Variants in NEDD4 observed in about 807,000 individuals in gnomAD.
The protein encoded by NEDD4 is E3 ubiquitin-protein ligase NEDD4.
NEDD4 carries 99 observed loss-of-function variants against 144.9 expected under a neutral mutation model. The ratio of observed to expected loss-of-function variants is 0.68; its 90% CI spans 0.58 to 0.81. The LOEUF (loss-of-function observed/expected upper bound fraction) is 0.81. NEDD4 is among the 30% of genes least tolerant of loss of function. The probability of loss-of-function intolerance (pLI) is 0.00; values close to 1 mark genes in which losing one functional copy is unlikely to be tolerated. For missense variants in NEDD4, 985 were observed against 1,065.9 expected (o/e 0.92, Z 1.06); for synonymous variants, 318 against 350.6 (o/e 0.91, Z 1.04).
chr15:55,916,133 T>C, intron 5 of NEDD4: 1 of 1,613,968 alleles, frequency 6.2e-7, no homozygotes, highest in African/African-American at 1.3e-5. Flanking sequence ...CAAAAGGATC[T>C]GTACTTGTAC....
intron 2 of NEDD4, among the ~76,000 whole-genome samples, chr15:55,957,381 G>A (rs1384634168): frequency 1.3e-5 from 2 of 152,162 alleles, no homozygotes; most frequent in Admixed American, 6.5e-5. Context: ...TTAAGTAGAG[G>A]GGCTTCAAAC....
At chr15:55,945,827 C>A (rs1468642931) in intron 4 of NEDD4, among the ~76,000 whole-genome samples, 3 of 152,010 alleles carry the variant, frequency 2.0e-5, no homozygotes, top group African/African-American at 7.2e-5. Context: ...AGAAACCTTA[C>A]AAGCCAGAAG....
At chr15:55,965,300 C>G (rs2037493500) in intron 2 of NEDD4, among the ~76,000 whole-genome samples, 1 of 151,972 alleles carries the variant, frequency 6.6e-6, no homozygotes, top group African/African-American at 2.4e-5. Context: ...CACCCAGACT[C>G]AAGCAATCCT....
At chr15:55,929,299 T>G (rs1414534228) in intron 4 of NEDD4, among the ~76,000 whole-genome samples, 1 of 152,174 alleles carries the variant, frequency 6.6e-6, no homozygotes, top group Non-Finnish European at 1.5e-5. Flanking sequence ...CAGGAGGAGA[T>G]TTAATGAAAA....
At chr15:55,952,760 G>A (rs1428275568) in intron 2 of NEDD4, 3 of 152,026 alleles carry the variant, frequency 2.0e-5, no homozygotes, top group African/African-American at 7.3e-5. Context: ...CTCTCTTTTA[G>A]ACCTTTGGCT....
intron 8 of NEDD4, among the ~76,000 whole-genome samples, chr15:55,866,222 T>TC (rs2034582868): frequency 6.7e-6 from 1 of 150,108 alleles, no homozygotes; most frequent in Non-Finnish European, 1.5e-5. Flanking sequence ...CCTTTCTTCT[T>TC]TTTTTTTTTA....
chr15:55,939,681 A>AT (rs1338173136), intron 4 of NEDD4, among the ~76,000 whole-genome samples: 7 of 152,164 alleles, frequency 4.6e-5, no homozygotes, highest in African/African-American at 1.4e-4. Flanking sequence ...AAATTTTTAG[A>AT]TTTTTTTAGT....
intron 4 of NEDD4, among the ~76,000 whole-genome samples, chr15:55,931,736 T>C (rs188091863): frequency 1.2e-4 from 19 of 152,324 alleles, no homozygotes; most frequent in African/African-American, 1.4e-4. Flanking sequence ...ACAATACAGA[T>C]ACATCTTTAA....
intron 1 of NEDD4, among the ~76,000 whole-genome samples, chr15:55,993,265 G>A (rs751022805): frequency 6.6e-5 from 10 of 152,162 alleles, no homozygotes; most frequent in Admixed American, 6.5e-5. Context: ...CAAGTAAGGC[G>A]GCGGCCGCTC....
intron 1 of NEDD4, among the ~76,000 whole-genome samples, chr15:55,980,521 G>A (rs1357582897): frequency 1.3e-5 from 2 of 152,192 alleles, no homozygotes; most frequent in Non-Finnish European, 2.9e-5. Context: ...CCAGTCAACA[G>A]TACCCGCCCC....
At chr15:55,925,777 C>A (rs1252212572) in intron 4 of NEDD4, among the ~76,000 whole-genome samples, 6 of 152,116 alleles carry the variant, frequency 3.9e-5, no homozygotes, top group African/African-American at 1.2e-4. Context: ...TTACCTACAG[C>A]CACGTTCCCA....
At chr15:55,939,496 G>A (rs978663592) in intron 4 of NEDD4, among the ~76,000 whole-genome samples, 4 of 151,966 alleles carry the variant, frequency 2.6e-5, no homozygotes, top group African/African-American at 4.8e-5. Flanking sequence ...GTGTGAAAAC[G>A]GACTAATACA....
intron 4 of NEDD4, among the ~76,000 whole-genome samples, chr15:55,940,305 CTT>C (rs750310571): frequency 5.3e-5 from 8 of 152,010 alleles, no homozygotes; most frequent in Non-Finnish European, 8.8e-5. Flanking sequence ...ATGTTTATGA[CTT>C]TGATTGTGGT....
intron 5 of NEDD4, among the ~76,000 whole-genome samples, chr15:55,890,219 T>C (rs1211767766): frequency 6.6e-6 from 1 of 152,204 alleles, no homozygotes; most frequent in African/African-American, 2.4e-5. Flanking sequence ...GTAATTCACA[T>C]ACAATTAACC....
Position 55,975,596 on chromosome 15 carries a change from A to G in NEDD4, c.46-9050T>C, listed in dbSNP as rs555320214. ...AAAGAAGTGAGAGATCTCTACAATGAAAACTATAGATGAAAGAGATAGAAG... is the reference window on the plus strand; with the variant it reads ...AAAGAAGTGAGAGATCTCTACAATGGAAACTATAGATGAAAGAGATAGAAG... On this transcript the variant is annotated intron_variant, in intron 1 of 28. Transcript: ENST00000435532. Among the ~76,000 whole-genome samples, 12 of 151,970 alleles carry G rather than the reference A, an allele frequency of 7.9e-5. No homozygotes were observed. The South Asian group carries it at 2.1e-3, about 26-fold the overall frequency.
In NEDD4 at chr15:55,837,816, G is replaced by A. The variant is rs2141972348; in HGVS notation, c.2235C>T (p.Ile745=). 6.2e-7 allele frequency: 1 copy of A among 1,612,116 alleles called. No homozygotes were observed. Among genetic ancestry groups the A allele is most frequent in the South Asian group, 1.1e-5 (1 of 90,802 alleles). ...CTTTAAAAGCAGCCATTTGCTTCTG[G>A]ATTCGGTTTACAAATCGCCATTGTA... is the stretch of plus-strand genomic sequence containing the variant. ...LVIQWRFVNR[I]QKQMAAFKEG... is the part of the protein sequence containing the mutation. Residue 745 remains isoleucine, a synonymous_variant, in exon 24 of 29, where the codon ATC becomes ATT. Transcript: ENST00000435532.
At chr15:55,873,538 G>A (rs1566925135) in intron 6 of NEDD4, among the ~76,000 whole-genome samples, 1 of 152,048 alleles carries the variant, frequency 6.6e-6, no homozygotes, top group African/African-American at 2.4e-5. Context: ...ATTCAATAAT[G>A]TTCTATTTTG....
chr15:55,921,654 GTTAT>G (rs1272132357), intron 5 of NEDD4, among the ~76,000 whole-genome samples: 4 of 151,970 alleles, frequency 2.6e-5, no homozygotes, highest in African/African-American at 9.7e-5. Flanking sequence ...TGATTAATGT[GTTAT>G]TTGTTTTTTC....
At chr15:55,916,299 C>G (rs375873855) in intron 5 of NEDD4, 1 of 1,613,904 alleles carries the variant, frequency 6.2e-7, no homozygotes. Flanking sequence ...ATATGAACCT[C>G]CACTTGTGAT....
Sources: allele counts gnomAD v4.1 joint callset (sites outside exome capture counted in the v4.1 genomes callset), GRCh38; gene constraint gnomAD v4.1.1; transcripts MANE v1.5; gene names NCBI Gene and HGNC (gene_info 2026-07-23, HGNC 2026-07-21).